AMBRA1: variants seen among roughly 807,000 people sequenced by gnomAD.
The protein encoded by AMBRA1 is autophagy and beclin 1 regulator 1.
In AMBRA1, 47 loss-of-function variants were observed where a neutral mutation model predicts 125.4. The ratio of observed to expected loss-of-function variants is 0.37; its 90% CI spans 0.30 to 0.48. The LOEUF (loss-of-function observed/expected upper bound fraction) is 0.48, where lower values mean the gene tolerates loss of function less well. AMBRA1 is among the 20% of genes least tolerant of loss of function. The pLI is 0.99. For missense variants in AMBRA1, 1,331 were observed against 1,693.4 expected, an observed-to-expected ratio of 0.79 and a Z score of 3.76; for synonymous variants, 626 against 655.5, an observed-to-expected ratio of 0.95 and a Z score of 0.69.
At chr11:46,533,056 G>A (rs1204300732) in intron 7 of AMBRA1, among the ~76,000 whole-genome samples, 4 of 152,038 alleles carry the variant, frequency 2.6e-5, no homozygotes, top group South Asian at 2.1e-4. Flanking sequence ...CCAGCTACTC[G>A]GGAGGCTGAG....
intron 11 of AMBRA1, among the ~76,000 whole-genome samples, chr11:46,468,583 G>A (rs189761107): frequency 0.024 from 3,718 of 151,854 alleles, 76 homozygotes; most frequent in Admixed American, 0.068. Context: ...TGCATCACAA[G>A]GTCAGGAGAT....
At chr11:46,563,637 T>G (rs2043410806) in intron 1 of AMBRA1, among the ~76,000 whole-genome samples, 1 of 152,056 alleles carries the variant, frequency 6.6e-6, no homozygotes, top group African/African-American at 2.4e-5. Flanking sequence ...GTCAGGAGTT[T>G]GAGACCAGCC....
At chr11:46,455,125 G>T (rs1403641508) in intron 11 of AMBRA1, among the ~76,000 whole-genome samples, 1 of 152,152 alleles carries the variant, frequency 6.6e-6, no homozygotes, top group Admixed American at 6.5e-5. Flanking sequence ...GGCCTCAAAT[G>T]ATTCTCCTGC....
chr11:46,412,688 C>A (rs1946351205), intron 15 of AMBRA1, among the ~76,000 whole-genome samples: 1 of 152,116 alleles, frequency 6.6e-6, no homozygotes, highest in African/African-American at 2.4e-5. Flanking sequence ...ATACCAAGGG[C>A]CAACTGTTTA....
intron 7 of AMBRA1, among the ~76,000 whole-genome samples, chr11:46,525,109 G>A (rs964069219): frequency 6.6e-6 from 1 of 151,898 alleles, no homozygotes; most frequent in South Asian, 2.1e-4. Flanking sequence ...AGACCAGCTC[G>A]GGCAACCATA....
intron 7 of AMBRA1, among the ~76,000 whole-genome samples, chr11:46,521,149 C>G (rs751706174): frequency 6.6e-6 from 1 of 152,218 alleles, no homozygotes; most frequent in Non-Finnish European, 1.5e-5. Context: ...CGACAAGACT[C>G]TCAGACAAGG....
chr11:46,474,477 C>T (rs979104695), intron 11 of AMBRA1, among the ~76,000 whole-genome samples: 12 of 152,152 alleles, frequency 7.9e-5, no homozygotes, highest in Admixed American at 7.9e-4. Flanking sequence ...CAACCTCCAC[C>T]TCCCAGGTTC....
chr11:46,408,805 C>G (rs1299201540), intron 16 of AMBRA1, 99 bp from the exon 17 acceptor site: 2 of 1,143,996 alleles, frequency 1.7e-6, no homozygotes, highest in Non-Finnish European at 2.3e-6. Flanking sequence ...CAGTGTGGGC[C>G]AGGCCCTGCA....
intron 1 of AMBRA1, among the ~76,000 whole-genome samples, chr11:46,552,693 A>T (rs999641325): frequency 1.3e-5 from 2 of 151,846 alleles, no homozygotes; most frequent in African/African-American, 4.8e-5. Flanking sequence ...AAAAAAAAAA[A>T]AAATTAAATT....
intron 8 of AMBRA1, among the ~76,000 whole-genome samples, chr11:46,511,475 A>G (rs1335777543): frequency 2.6e-5 from 4 of 152,232 alleles, no homozygotes; most frequent in Non-Finnish European, 4.4e-5. Flanking sequence ...TGGCAACAAT[A>G]AAAGCACTTA....
chr11:46,439,434 CAAAT>C (rs534535661), intron 12 of AMBRA1, among the ~76,000 whole-genome samples: 1 of 151,874 alleles, frequency 6.6e-6, no homozygotes, highest in Non-Finnish European at 1.5e-5. Context: ...GATGACATCC[CAAAT>C]AAATGGAGAT....
intron 14 of AMBRA1, 123 bp from the exon 15 acceptor site, chr11:46,418,175 G>T: frequency 1.3e-6 from 1 of 766,882 alleles, no homozygotes; most frequent in Non-Finnish European, 1.7e-6. Context: ...CTGGGAACAG[G>T]ATGACTCTTT....
chr11:46,477,098 C>T (rs1276553847), intron 11 of AMBRA1, among the ~76,000 whole-genome samples: 2 of 138,574 alleles, frequency 1.4e-5, no homozygotes, highest in African/African-American at 5.5e-5. Context: ...GCAAGACTGT[C>T]TCAAAAAAAA....
In AMBRA1 at chr11:46,429,168, C is replaced by T. The variant is rs1052094568; in HGVS notation, c.2976+4306G>A. ...ATCAACATCTGGCAGGTCTCCGCCACGCACTGGCTTCATCCTCCCCCTCTC... is the reference window on the plus strand; with the variant it reads ...ATCAACATCTGGCAGGTCTCCGCCATGCACTGGCTTCATCCTCCCCCTCTC... On this transcript the variant is annotated intron_variant, in intron 14 of 17. Coordinates refer to ENST00000683756, the MANE Select transcript of AMBRA1 (RefSeq NM_001387011.1). The T allele has an allele frequency of 1.1e-4, 166 of 1,550,126 alleles. 1 individual carries two copies. Among genetic ancestry groups the T allele is most frequent in the Non-Finnish European group, 1.3e-4 (144 of 1,142,578 alleles).
intron 11 of AMBRA1, among the ~76,000 whole-genome samples, chr11:46,482,967 C>T (rs1950130991): frequency 6.6e-6 from 1 of 151,034 alleles, no homozygotes; most frequent in African/African-American, 2.4e-5. Flanking sequence ...CGAGACCATG[C>T]CATTGCACTC....
At chr11:46,551,943 G>A (rs1038433459) in intron 1 of AMBRA1, among the ~76,000 whole-genome samples, 4 of 151,636 alleles carry the variant, frequency 2.6e-5, no homozygotes, top group African/African-American at 4.9e-5. Context: ...CTGGAGAATC[G>A]CTTGAACCCA....
At chr11:46,428,008 CAAAA>C (rs57618324) in intron 14 of AMBRA1, among the ~76,000 whole-genome samples, 2 of 63,382 alleles carry the variant, frequency 3.2e-5, no homozygotes, top group African/African-American at 6.0e-5. Context: ...GACTCCATGT[CAAAA>C]AAAAAAAAAA....
rs1345322084 is a variant in AMBRA1, at chr11:46,397,587, CAG to C, written c.3758_3759del (p.Pro1253ArgfsTer11). ...CTGGGAAGGGAAACAGGAATGGGGACAGGGGAGGAAGAGGGCAGGGTTGGCTG... is the reference window on the plus strand; with the variant it reads ...CTGGGAAGGGAAACAGGAATGGGGACGGGAGGAAGAGGGCAGGGTTGGCTG... ...PTQPTLPSSSPVPIPVSLPSA... is the reference protein window; with the variant it reads ...PTQPTLPSSSXVPIPVSLPSA... On this transcript the variant is annotated frameshift_variant, in exon 18 of 18. Coordinates refer to ENST00000683756, the MANE Select transcript of AMBRA1 (RefSeq NM_001387011.1). LOFTEE classifies it high-confidence loss of function. 28 of 1,598,062 alleles carry C rather than the reference CAG, an allele frequency of 1.8e-5. No homozygotes were observed. Among genetic ancestry groups the C allele is most frequent in the Non-Finnish European group, 2.3e-5 (27 of 1,170,848 alleles).
intron 9 of AMBRA1, among the ~76,000 whole-genome samples, chr11:46,506,741 G>T (rs1951048354): frequency 6.6e-6 from 1 of 152,038 alleles, no homozygotes; most frequent in African/African-American, 2.4e-5. Context: ...AAAATATAAG[G>T]AATCAAAATG....
Sources: gnomAD v4.1 joint callset for allele counts (sites outside exome capture counted in the v4.1 genomes callset) on GRCh38, gnomAD v4.1.1 for gene constraint, MANE v1.5 for transcripts, NCBI Gene and HGNC (gene_info 2026-07-23, HGNC 2026-07-21) for gene names.